Variants in LRRTM4 observed in about 807,000 individuals in gnomAD.
The protein encoded by LRRTM4 is leucine-rich repeat transmembrane neuronal protein 4.
A neutral mutation model predicts 47.6 loss-of-function variants in LRRTM4; 25 were observed. That is an observed-to-expected ratio of 0.53 (90% CI 0.38 to 0.73). LRRTM4 has a LOEUF of 0.73. Ranked by LOEUF, LRRTM4 falls within the 30% of genes least tolerant of loss-of-function variation. The pLI is 0.00. For missense variants in LRRTM4, 638 were observed against 713.4 expected (o/e 0.89, Z 1.20); for synonymous variants, 311 against 269.5 (o/e 1.15, Z -1.51).
chr2:77,386,341 T>C (rs1370609732), intron 3 of LRRTM4, among the ~76,000 whole-genome samples: 1 of 152,094 alleles, frequency 6.6e-6, no homozygotes, highest in African/African-American at 2.4e-5. Context: ...AAGTCAAGTA[T>C]ATCTAATAAG....
intron 3 of LRRTM4, among the ~76,000 whole-genome samples, chr2:77,468,329 G>A (rs1425894382): frequency 2.0e-5 from 3 of 152,028 alleles, no homozygotes; most frequent in African/African-American, 7.2e-5. Flanking sequence ...TATGTTTGGG[G>A]AAGCATGTGA....
At chr2:77,221,498 G>C (rs1332023162) in intron 3 of LRRTM4, among the ~76,000 whole-genome samples, 2 of 152,136 alleles carry the variant, frequency 1.3e-5, no homozygotes, top group Non-Finnish European at 2.9e-5. Context: ...TCAAAATAAA[G>C]GGGTGGAGGA....
At chr2:76,776,646 T>C (rs1419582653) in intron 3 of LRRTM4, among the ~76,000 whole-genome samples, 1 of 151,084 alleles carries the variant, frequency 6.6e-6, no homozygotes, top group Non-Finnish European at 1.5e-5. Flanking sequence ...TCATTGTAGA[T>C]TCTGGATATT....
intron 3 of LRRTM4, among the ~76,000 whole-genome samples, chr2:77,100,366 A>C (rs1670921217): frequency 6.6e-6 from 1 of 152,224 alleles, no homozygotes; most frequent in African/African-American, 2.4e-5. Context: ...ACATAATAGG[A>C]AATAGCATCA....
chr2:77,015,964 G>A (rs1320151533), intron 3 of LRRTM4, among the ~76,000 whole-genome samples: 1 of 151,790 alleles, frequency 6.6e-6, no homozygotes, highest in Non-Finnish European at 1.5e-5. Context: ...TAAATAATCT[G>A]TAATCTACTC....
chr2:77,209,675 T>C (rs1573080305), intron 3 of LRRTM4, among the ~76,000 whole-genome samples: 1 of 152,236 alleles, frequency 6.6e-6, no homozygotes, highest in Admixed American at 6.5e-5. Context: ...GCAAGGTTTC[T>C]AGTGAACTAT....
chr2:77,228,284 A>G (rs1398431911), intron 3 of LRRTM4, among the ~76,000 whole-genome samples: 1 of 152,078 alleles, frequency 6.6e-6, no homozygotes, highest in Non-Finnish European at 1.5e-5. Flanking sequence ...AGTGTGATCT[A>G]TTCTCCTTAA....
At chr2:77,265,123 A>G (rs1033129890) in intron 3 of LRRTM4, among the ~76,000 whole-genome samples, 6 of 152,128 alleles carry the variant, frequency 3.9e-5, no homozygotes, top group African/African-American at 1.4e-4. Context: ...TTCACATACA[A>G]TAGAGGAAAA....
chr2:77,507,527 T>C (rs919524189), intron 3 of LRRTM4, among the ~76,000 whole-genome samples: 77 of 152,138 alleles, frequency 5.1e-4, no homozygotes, highest in African/African-American at 1.8e-3. Context: ...AGTGGTCAGA[T>C]AACCAAAGAG....
chr2:77,407,236 C>T (rs1160868203), intron 3 of LRRTM4, among the ~76,000 whole-genome samples: 3 of 151,860 alleles, frequency 2.0e-5, no homozygotes, highest in African/African-American at 7.3e-5. Context: ...GAAAAAGGGA[C>T]AAGTGAAATA....
rs72224838 is a variant in LRRTM4, at chr2:77,426,805, GCACACA to G, written c.1551+91507_1551+91512del. 3.8e-4 allele frequency among the ~76,000 whole-genome samples: 56 copies of G among 147,512 alleles called. 1 individual carries two copies. The Middle Eastern group carries it at 0.011, about 28-fold the overall frequency. Reference sequence around the variant, plus strand: ...AATATGTACACACACAGAGGTGTATGCACACACACACACACACACACACATGCACAC... The same window carrying G: ...AATATGTACACACACAGAGGTGTATGCACACACACACACACACATGCACAC... On this transcript the variant is annotated intron_variant, in intron 3 of 3. Transcript: ENST00000409884.
intron 3 of LRRTM4, among the ~76,000 whole-genome samples, chr2:77,004,343 G>A (rs1677552898): frequency 2.0e-5 from 3 of 152,302 alleles, no homozygotes; most frequent in Non-Finnish European, 2.9e-5. Flanking sequence ...CATCCCAACT[G>A]CTCTAGTCAT....
intron 3 of LRRTM4, among the ~76,000 whole-genome samples, chr2:76,969,696 A>G (rs989062610): frequency 6.6e-6 from 1 of 151,984 alleles, no homozygotes; most frequent in Non-Finnish European, 1.5e-5. Context: ...TATGATGACG[A>G]TGATTAAGAT....
At position 77,052,333 on chromosome 2, in the gene LRRTM4, T is replaced by G. The variant is rs1679464128; in HGVS notation, c.1552-303417A>C. On this transcript the variant is annotated intron_variant, in intron 3 of 3. Transcript: ENST00000409884. ...ACAGGCATCTGCCACCACGCCTGGC[T>G]AGTTTTTTGTATTTTTAGTAGAGAT... Among the ~76,000 whole-genome samples the G allele has an allele frequency of 5.3e-5, 8 of 151,826 alleles. No homozygotes were observed. The South Asian group carries it at 1.7e-3, about 32-fold the overall frequency.
intron 3 of LRRTM4, among the ~76,000 whole-genome samples, chr2:77,375,140 T>A (rs570062994): frequency 1.3e-5 from 2 of 151,888 alleles, no homozygotes; most frequent in East Asian, 1.9e-4. Context: ...GTTTAAGTAG[T>A]ACAAATTTCA....
At position 77,118,808 on chromosome 2, in the gene LRRTM4, T is replaced by C. The variant is rs570345758; in HGVS notation, c.1552-369892A>G. Among the ~76,000 whole-genome samples, 268 of 151,976 alleles carry C rather than the reference T, an allele frequency of 1.8e-3. 1 individual carries two copies. Among genetic ancestry groups the C allele is most frequent in the African/African-American group, 6.2e-3 (257 of 41,524 alleles). The stretch of plus-strand genomic sequence containing the variant: ...TTCACCTTTCAAAAAATAGGAATAA[T>C]AATGGCATGGAGATTCTTTAAAGAT... On this transcript the variant is annotated intron_variant, in intron 3 of 3. Transcript: ENST00000409884.
intron 3 of LRRTM4, among the ~76,000 whole-genome samples, chr2:77,188,478 T>C (rs1375819368): frequency 1.3e-5 from 2 of 152,178 alleles, no homozygotes; most frequent in Non-Finnish European, 2.9e-5. Flanking sequence ...TAAAAAATGA[T>C]TTGGTTCTTC....
chr2:76,974,252 A>G lies in LRRTM4; in HGVS notation c.1552-225336T>C, dbSNP rs562191795. On this transcript the variant is annotated intron_variant, in intron 3 of 3. Transcript: ENST00000409884. ...CATATATATATATACATATATATAT[A>G]TACACACACATACATATATATATGG... Among the ~76,000 whole-genome samples, 4 of 139,764 alleles carry G rather than the reference A, an allele frequency of 2.9e-5. No individual in the cohort carries two copies. In the South Asian group the frequency reaches 8.5e-4, roughly 30 times the overall value. The allele number at this position is 139,764 out of a possible 152,430, so 91.7% of individuals were successfully genotyped here.
chr2:76,793,874 G>A (rs1003288767), intron 3 of LRRTM4, among the ~76,000 whole-genome samples: 32 of 152,142 alleles, frequency 2.1e-4, no homozygotes, highest in Admixed American at 1.0e-3. Context: ...AATACAATTC[G>A]TATGATCTAG....
Sources: gnomAD v4.1 joint callset for allele counts (sites outside exome capture counted in the v4.1 genomes callset) on GRCh38, gnomAD v4.1.1 for gene constraint, MANE v1.5 for transcripts, NCBI Gene and HGNC (gene_info 2026-07-23, HGNC 2026-07-21) for gene names.